The following BST1 variants were observed in gnomAD, a reference collection of about 807,000 sequenced individuals.
BST1 encodes bone marrow stromal cell antigen 1.
BST1 carries 49 observed loss-of-function variants against 40.6 expected under a neutral mutation model. The ratio of observed to expected loss-of-function variants is 1.21; its 90% CI spans 0.96 to 1.53. The LOEUF (loss-of-function observed/expected upper bound fraction) is 1.53, where lower values mean the gene tolerates loss of function less well. BST1 is among the 40% of genes most tolerant of loss of function. BST1 has a pLI of 0.00. For synonymous variants in BST1, 157 were observed against 159.3 expected, an observed-to-expected ratio of 0.99 and a Z score of 0.11; for missense variants, 423 against 395.9, an observed-to-expected ratio of 1.07 and a Z score of -0.58.
At chr4:15,715,448 T>C in intron 5 of BST1, 87 bp downstream of exon 5, 1 of 1,376,044 alleles carries the variant, frequency 7.3e-7, no homozygotes, top group Middle Eastern at 1.8e-4. Context: ...AAAATTATCC[T>C]AGTCCCCATC....
chr4:15,740,947 G>A (rs1335623151), downstream of BST1, among the ~76,000 whole-genome samples: 2 of 151,834 alleles, frequency 1.3e-5, no homozygotes, highest in Non-Finnish European at 1.5e-5. Context: ...GGTTCGTGAG[G>A]GGTCCACAGG....
At chr4:15,743,653 G>A in the BST1 span, 3 of 234,940 alleles carry the variant, frequency 1.3e-5, no homozygotes, top group South Asian at 5.3e-5. Context: ...GGTCTGTGCA[G>A]GGAAACAGTC....
intron 1 of BST1, among the ~76,000 whole-genome samples, chr4:15,704,100 GGTGT>G (rs138135041): frequency 1.4e-5 from 2 of 140,488 alleles, no homozygotes; most frequent in African/African-American, 5.4e-5. Flanking sequence ...AGAGGTGACA[GGTGT>G]GTGTGTGTGG....
chr4:15,771,221 T>A, the BST1 span, among the ~76,000 whole-genome samples: 1 of 152,210 alleles, frequency 6.6e-6, no homozygotes, highest in African/African-American at 2.4e-5. Context: ...TACCAATTAA[T>A]CCGCACTTCA....
At chr4:15,711,694 T>C (rs1182598186) in intron 3 of BST1, 113 bp from the exon 4 acceptor site, 3 of 852,708 alleles carry the variant, frequency 3.5e-6, no homozygotes, top group Non-Finnish European at 3.9e-6. Flanking sequence ...TTGTACACAT[T>C]GTACAGAATG....
At chr4:15,769,909 A>G in the BST1 span, among the ~76,000 whole-genome samples, 1 of 151,936 alleles carries the variant, frequency 6.6e-6, no homozygotes, top group Admixed American at 6.6e-5. Flanking sequence ...GCACGATTTC[A>G]GTTCACTGCA....
chr4:15,761,639 C>T, the BST1 span, among the ~76,000 whole-genome samples: 1 of 151,974 alleles, frequency 6.6e-6, no homozygotes, highest in South Asian at 2.1e-4. Flanking sequence ...TTTGCCACCA[C>T]ATTTCTGTGC....
At chr4:15,726,483 T>C (rs1560286727) in intron 8 of BST1, among the ~76,000 whole-genome samples, 2 of 152,212 alleles carry the variant, frequency 1.3e-5, no homozygotes, top group African/African-American at 4.8e-5. Context: ...AGAGGCTGCA[T>C]ATGCATAAGG....
At chr4:15,731,601 G>A (rs536288635) in intron 8 of BST1, 139 bp from the exon 9 acceptor site, 399 of 1,201,650 alleles carry the variant, frequency 3.3e-4, no homozygotes, top group Non-Finnish European at 4.4e-4. Context: ...CCTCCTACGG[G>A]GTGTCACGGG....
intron 8 of BST1, among the ~76,000 whole-genome samples, chr4:15,727,934 C>T (rs1354942585): frequency 6.6e-6 from 1 of 151,086 alleles, no homozygotes; most frequent in Non-Finnish European, 1.5e-5. Flanking sequence ...CCCTTAAAGA[C>T]AATGGTAGGA....
intron 8 of BST1, chr4:15,723,356 C>T (rs1445262675): frequency 1.2e-5 from 2 of 160,580 alleles, no homozygotes; most frequent in Admixed American, 6.5e-5. Context: ...ACACCATTCT[C>T]CTGCCTCAGC....
At chr4:15,725,228 G>A (rs950290574) in intron 8 of BST1, among the ~76,000 whole-genome samples, 11 of 152,322 alleles carry the variant, frequency 7.2e-5, no homozygotes, top group African/African-American at 2.2e-4. Context: ...CACCCAGCTA[G>A]TGCAGGCAGA....
chr4:15,729,382 G>A (rs760916086), intron 8 of BST1, among the ~76,000 whole-genome samples: 1 of 152,078 alleles, frequency 6.6e-6, no homozygotes, highest in Admixed American at 6.6e-5. Context: ...TCTAAACCCG[G>A]GAAGGTCAAT....
At chr4:15,757,477 T>C in the BST1 span, among the ~76,000 whole-genome samples, 3 of 152,020 alleles carry the variant, frequency 2.0e-5, no homozygotes, top group Admixed American at 2.0e-4. Flanking sequence ...TCCTCCTGTC[T>C]ATAAAGAGGA....
At chr4:15,736,209 C>A, downstream of BST1, 1 of 1,075,364 alleles carries the variant, frequency 9.3e-7, no homozygotes, top group Non-Finnish European at 1.2e-6. Flanking sequence ...TTCAGCCTAA[C>A]TTCCACAATG....
At chr4:15,746,826 C>T in the BST1 span, among the ~76,000 whole-genome samples, 6,664 of 152,226 alleles carry the variant, frequency 0.044, 487 homozygotes, top group African/African-American at 0.15. Context: ...ATGATCACAG[C>T]ATGGGTGCTG....
downstream of BST1, among the ~76,000 whole-genome samples, chr4:15,733,711 C>G (rs1721467331): frequency 6.6e-6 from 1 of 152,112 alleles, no homozygotes; most frequent in African/African-American, 2.4e-5. Flanking sequence ...TGCTTTCAAA[C>G]CACCAGATCT....
the BST1 span, among the ~76,000 whole-genome samples, chr4:15,766,136 G>A: frequency 5.9e-5 from 9 of 151,992 alleles, 1 homozygote; most frequent in Admixed American, 5.9e-4. Flanking sequence ...AGACTGTTTG[G>A]CATCCTTCTA....
At chr4:15,719,505 CAT>C (rs1720692307) in intron 7 of BST1, among the ~76,000 whole-genome samples, 1 of 151,988 alleles carries the variant, frequency 6.6e-6, no homozygotes, top group Non-Finnish European at 1.5e-5. Flanking sequence ...GTTGCTTGGA[CAT>C]TTTTTTTTTA....
Sources: gnomAD v4.1 joint callset for allele counts (sites outside exome capture counted in the v4.1 genomes callset) on GRCh38, gnomAD v4.1.1 for gene constraint, MANE v1.5 for transcripts, NCBI Gene and HGNC (gene_info 2026-07-23, HGNC 2026-07-21) for gene names.